SRCAP: variants seen among roughly 807,000 people sequenced by gnomAD.
SRCAP encodes the protein Snf2 related CREBBP activator protein.
In SRCAP, 46 loss-of-function variants were observed where a neutral mutation model predicts 263.1. The ratio of observed to expected loss-of-function variants is 0.17; its 90% CI spans 0.14 to 0.22. The LOEUF is 0.22. Among genes scored for constraint, SRCAP ranks in the 10% least tolerant of loss-of-function variants. The pLI is 1.00. For synonymous variants in SRCAP, 1,813 were observed against 1,662.1 expected, an observed-to-expected ratio of 1.09 and a Z score of -2.21; for missense variants, 3,695 against 4,181.9, an observed-to-expected ratio of 0.88 and a Z score of 3.21.
chr16:30,710,100 C>T lies in SRCAP; in HGVS notation c.1106C>T (p.Ala369Val), dbSNP rs959082827. The T allele has an allele frequency of 9.9e-6, 16 of 1,613,898 alleles. No individual in the cohort carries two copies. The highest frequency in any genetic ancestry group is 1.6e-4 in the Middle Eastern group (1 of 6,078). Residue 369 changes from alanine to valine, a missense_variant, in exon 8 of 34, where the codon GCT (alanine) becomes GTT (valine). Transcript: ENST00000262518. ...SDTRDGPEEG[A>V]EEEPPQVLEI... ...ACCCGAGATGGGCCTGAAGAAGGTG[C>T]TGAAGAAGAGCCCCCTCAGGTGTTG...
intron 16 of SRCAP, among the ~76,000 whole-genome samples, chr16:30,714,030 C>G (rs1286628526): frequency 1.4e-5 from 2 of 146,928 alleles, no homozygotes; most frequent in Non-Finnish European, 1.5e-5. Flanking sequence ...CCCGAGTAGC[C>G]AGGACTACAG....
chr16:30,703,989 G>A (rs1002234310), intron 3 of SRCAP, 75 bp from the exon 4 acceptor site: 16 of 1,493,650 alleles, frequency 1.1e-5, no homozygotes, highest in Admixed American at 4.5e-5. Context: ...TGTGAAGATC[G>A]GATGAAATAA....
Position 30,721,970 on chromosome 16 carries a change from G to A in SRCAP, c.3542-152G>A, listed in dbSNP as rs2053015921. ...CACATGAAAAGCTCAAAGGCTGTAG[G>A]TGGAGGCTGAGTTTATTGGGACATG... On this transcript the variant is annotated intron_variant, in intron 21 of 33. Coordinates refer to ENST00000262518, the MANE Select transcript of SRCAP (RefSeq NM_006662.3). 3 of 946,210 alleles carry A rather than the reference G, an allele frequency of 3.2e-6. No homozygotes were observed. In the South Asian group the frequency reaches 5.3e-5, roughly 17 times the overall value. 58.6% of individuals were successfully genotyped at this position (946,210 alleles called of 1,614,324 possible). A position where few individuals can be genotyped will look rare whatever the true frequency, so the allele number is the denominator to read the frequency against.
Position 30,725,095 on chromosome 16 carries a change from T to C in SRCAP, c.5658+13T>C, listed in dbSNP as rs1351049456. 1 of 1,591,870 alleles carries C rather than the reference T, an allele frequency of 6.3e-7. No individual in the cohort carries two copies. ...CCCTTTTTATCTGGTAAGTTTTACT[T>C]CCTCAAGAGGGAACAGGAAGTTGAG... is the stretch of plus-strand genomic sequence containing the variant. On this transcript the variant is annotated intron_variant, in intron 25 of 33. Transcript: ENST00000262518.
intron 18 of SRCAP, among the ~76,000 whole-genome samples, chr16:30,717,759 C>G (rs572125512): frequency 6.6e-6 from 1 of 151,888 alleles, no homozygotes; most frequent in South Asian, 2.1e-4. Context: ...CAGGCACGCA[C>G]CACCACACCC....
rs777042789 is a variant in SRCAP, at chr16:30,738,723, G to T, written c.8683G>T (p.Val2895Phe). 11 of 1,614,106 alleles carry T rather than the reference G, an allele frequency of 6.8e-6. No individual in the cohort carries two copies. The highest frequency in any genetic ancestry group is 1.7e-4 in the Middle Eastern group (1 of 6,060). ...LKGKTNGADP[V>F]PGPETLIVAD... ...GGGAAAAACCAATGGGGCTGACCCA[G>T]TCCCTGGGCCTGAGACCCTAATTGT... The change falls in exon 34 of 34, where the codon GTC becomes TTC. Residue 2895 changes from valine (V) to phenylalanine (F), a missense_variant. By Grantham distance (50) the Val-to-Phe change is conservative. Coordinates refer to ENST00000262518, the MANE Select transcript of SRCAP (RefSeq NM_006662.3).
chr16:30,720,247 G>A lies in SRCAP; in HGVS notation c.2903G>A (p.Arg968His), dbSNP rs368876335. Residue 968 changes from arginine to histidine, a missense_variant, in exon 19 of 34, where the codon CGC (arginine) becomes CAC (histidine). Coordinates refer to ENST00000262518, the MANE Select transcript of SRCAP (RefSeq NM_006662.3). ...YEADTFLPRH[R>H]LSRRVLLEVA... ...GCAGACACATTTCTGCCCCGGCACCGCCTCTCTCGCCGGGTACTGTTAGAA... is the reference window on the plus strand; with the variant it reads ...GCAGACACATTTCTGCCCCGGCACCACCTCTCTCGCCGGGTACTGTTAGAA... The A allele has an allele frequency of 8.2e-5, 132 of 1,614,058 alleles. No homozygotes were observed. The highest frequency in any genetic ancestry group is 1.2e-4 in the Admixed American group (7 of 60,004).
Position 30,737,900 on chromosome 16 carries a change from A to G in SRCAP, c.7860A>G (p.Gln2620=). ...AGGCTGGCAGCATCCCCAATGGTCA[A>G]GAGCAGGAGGCACCAGATTCTGCTG... ...TLEAGSIPNG[Q]EQEAPDSAEG... is the part of the protein sequence containing the mutation. The change falls in exon 34 of 34, where the codon CAA becomes CAG. Residue 2620 remains glutamine, a synonymous_variant. Coordinates refer to ENST00000262518, the MANE Select transcript of SRCAP (RefSeq NM_006662.3). The G allele has an allele frequency of 2.5e-6, 4 of 1,614,216 alleles. No homozygotes were observed. Among genetic ancestry groups the G allele is most frequent in the Non-Finnish European group, 3.4e-6 (4 of 1,180,034 alleles).
At chr16:30,717,331 A>G (rs1596651288) in intron 18 of SRCAP, among the ~76,000 whole-genome samples, 1 of 152,132 alleles carries the variant, frequency 6.6e-6, no homozygotes, top group East Asian at 1.9e-4. Context: ...GGACTTCATT[A>G]TATGCTTTGG....
At chr16:30,715,421 C>T (rs906054792) in intron 16 of SRCAP, among the ~76,000 whole-genome samples, 6 of 152,042 alleles carry the variant, frequency 3.9e-5, no homozygotes, top group South Asian at 4.1e-4. Flanking sequence ...AAAAATTAGC[C>T]GGGCGCGGTG....
Position 30,720,311 on chromosome 16 carries a change from A to T in SRCAP, c.2967A>T (p.Pro989=), listed in dbSNP as rs148513889. Residue 989 remains proline, a synonymous_variant, in exon 19 of 34, where the codon CCA becomes CCT. Transcript: ENST00000262518. ...CTGACCCCCCACCCCGGCCCAAGCCAGTCAAGATGAAGGTCAACAGGTACA... is the reference window on the plus strand; with the variant it reads ...CTGACCCCCCACCCCGGCCCAAGCCTGTCAAGATGAAGGTCAACAGGTACA... The part of the protein sequence containing the change: ...TAPDPPPRPK[P]VKMKVNRMLQ... 4.3e-6 allele frequency: 7 copies of T among 1,613,500 alleles called. No individual in the cohort carries two copies. The highest frequency in any genetic ancestry group is 5.9e-6 in the Non-Finnish European group (7 of 1,179,532).
At chr16:30,734,061 G>A in intron 30 of SRCAP, 53 bp downstream of exon 30, 1 of 1,453,596 alleles carries the variant, frequency 6.9e-7, no homozygotes, top group Middle Eastern at 1.7e-4. Flanking sequence ...GCGCCTTCAG[G>A]AGTTCCTCCT....
At chr16:30,734,144 AC>A (rs931018963) in intron 30 of SRCAP, 136 bp downstream of exon 30, 6 of 776,746 alleles carry the variant, frequency 7.7e-6, no homozygotes, top group Non-Finnish European at 1.2e-5. Flanking sequence ...GGAGTTGGAG[AC>A]CAGGCTGGCC....
chr16:30,717,852 C>T (rs1159988846), intron 18 of SRCAP, among the ~76,000 whole-genome samples: 2 of 151,496 alleles, frequency 1.3e-5, no homozygotes, highest in African/African-American at 4.9e-5. Flanking sequence ...TGTGATCTGC[C>T]CACCTTGGCC....
rs547333086 is a variant in SRCAP at position 30,738,375 on chromosome 16, C to T, written c.8335C>T (p.Pro2779Ser). The change falls in exon 34 of 34, where the codon CCT (proline) becomes TCT (serine). Residue 2779 changes from proline to serine, a missense_variant. Transcript: ENST00000262518. ...QQRGAASTLVPGVSETSASPG... is the reference protein window; with the variant it reads ...QQRGAASTLVSGVSETSASPG... ...GCGGGGAGCTGCCAGCACCCTAGTG[C>T]CTGGGGTCTCTGAGACTAGTGCCAG... 1 of 1,557,522 alleles carries T rather than the reference C, an allele frequency of 6.4e-7. No individual in the cohort carries two copies. Among genetic ancestry groups the T allele is most frequent in the East Asian group, 2.2e-5 (1 of 44,462 alleles).
rs182320569 is a variant in SRCAP, at chr16:30,736,468, G to C, written c.6925-73G>C. On this transcript the variant is annotated intron_variant, in intron 32 of 33. Coordinates refer to ENST00000262518, the MANE Select transcript of SRCAP (RefSeq NM_006662.3). ...TGTGACCCTCCTTTTGTCTTCCCTG[G>C]TGGGAATAAATAAGGGTGGTGGGGC... The C allele has an allele frequency of 5.9e-4, 955 of 1,610,134 alleles. 3 individuals carry two copies. In the African/African-American group the frequency reaches 8.4e-3, roughly 14 times the overall value.
In SRCAP at chr16:30,717,964, G is replaced by A. The variant is rs193229254; in HGVS notation, c.2817+1485G>A. The stretch of plus-strand genomic sequence containing the variant: ...GGAAGAGATGGTGTCTTGCCATGTC[G>A]CTCAGGCTGGTTTCAAACTCCTGGA... On this transcript the variant is annotated intron_variant, in intron 18 of 33. Transcript: ENST00000262518. Among the ~76,000 whole-genome samples, 255 of 148,224 alleles carry A rather than the reference G, an allele frequency of 1.7e-3. 2 individuals carry two copies. The highest frequency in any genetic ancestry group is 2.4e-3 in the South Asian group (11 of 4,672).
rs760200463 is a variant in SRCAP at position 30,723,971 on chromosome 16, C to T, written c.4547C>T (p.Ser1516Phe). ...GGTTTGGCCACAGCTCCATCCCTGT[C>T]TTCATCTCAGACACCTGGTCACCCT... ...TLGLATAPSL[S>F]SSQTPGHPLL... Residue 1516 changes from serine to phenylalanine, a missense_variant, in exon 25 of 34, where the codon TCT becomes TTT. Ser to Phe is a radical substitution (Grantham distance 155). Coordinates refer to ENST00000262518, the MANE Select transcript of SRCAP (RefSeq NM_006662.3). 3 of 1,614,060 alleles carry T rather than the reference C, an allele frequency of 1.9e-6. No homozygotes were observed. Among genetic ancestry groups the T allele is most frequent in the South Asian group, 2.2e-5 (2 of 91,092 alleles).
At chr16:30,707,058 GT>G in intron 4 of SRCAP, 124 bp from the exon 5 acceptor site, 1 of 886,078 alleles carries the variant, frequency 1.1e-6, no homozygotes. Context: ...CTGCCTGTAA[GT>G]TTGGTATGTG....
Sources: gnomAD v4.1 joint callset for allele counts (sites outside exome capture counted in the v4.1 genomes callset) on GRCh38, gnomAD v4.1.1 for gene constraint, MANE v1.5 for transcripts, NCBI Gene and HGNC (gene_info 2026-07-23, HGNC 2026-07-21) for gene names.